UCHL5: variants seen among roughly 807,000 people sequenced by gnomAD.
UCHL5 encodes ubiquitin C-terminal hydrolase L5.
Under a neutral mutation model 53.8 loss-of-function variants are expected in UCHL5, and 34 were observed. The observed-to-expected ratio is 0.63, with a 90% CI of 0.48 to 0.84. The LOEUF (loss-of-function observed/expected upper bound fraction) is 0.84. UCHL5 is among the 40% of genes least tolerant of loss of function. UCHL5 has a pLI of 0.00. For synonymous variants in UCHL5, 111 were observed against 126.3 expected (o/e 0.88, Z 0.81); for missense variants, 290 against 385.6 (o/e 0.75, Z 2.08).
intron 10 of UCHL5, among the ~76,000 whole-genome samples, chr1:193,017,874 A>AT (rs1373041675): frequency 5.3e-5 from 8 of 151,522 alleles, no homozygotes; most frequent in African/African-American, 1.9e-4. Context: ...GAAAGAGGTT[A>AT]TAAGAAAGTA....
chr1:193,045,950 A>G (rs1458726031), intron 3 of UCHL5, among the ~76,000 whole-genome samples: 3 of 152,222 alleles, frequency 2.0e-5, no homozygotes, highest in African/African-American at 7.2e-5. Context: ...TAAAATTTAC[A>G]AACAACTGTG....
chr1:193,056,484 T>C (rs1670664861), intron 1 of UCHL5, among the ~76,000 whole-genome samples: 1 of 152,194 alleles, frequency 6.6e-6, no homozygotes, highest in Admixed American at 6.5e-5. Flanking sequence ...CCCATTACTC[T>C]ATCTTGGCTG....
intron 9 of UCHL5, among the ~76,000 whole-genome samples, chr1:193,021,927 A>G (rs1657176494): frequency 6.6e-6 from 1 of 152,178 alleles, no homozygotes; most frequent in South Asian, 2.1e-4. Context: ...TTCCCAAACA[A>G]TAAAGCAGGA....
Position 193,059,298 on chromosome 1 carries a change from C to T in UCHL5, c.-38G>A. 1 of 1,611,402 alleles carries T rather than the reference C, an allele frequency of 6.2e-7. No homozygotes were observed. Among genetic ancestry groups the T allele is most frequent in the Non-Finnish European group, 8.5e-7 (1 of 1,178,936 alleles). On this transcript the variant is annotated 5_prime_UTR_variant, in exon 1 of 11. Transcript: ENST00000367454. The surrounding 1 kb of genome is among the most constrained non-coding windows in gnomAD (Gnocchi z 4.9). ...ACACCGCCCCGATCCACCTCTCGCT[C>T]TCAGCTGCCCCCCGCACCAGCTGCC...
chr1:193,035,574 G>A (rs922960691), intron 3 of UCHL5, among the ~76,000 whole-genome samples: 2 of 152,048 alleles, frequency 1.3e-5, no homozygotes, highest in Non-Finnish European at 2.9e-5. Flanking sequence ...AACGAGACTT[G>A]TTTTATGAGA....
chr1:193,058,613 G>A (rs1330412664), intron 1 of UCHL5, among the ~76,000 whole-genome samples: 1 of 152,232 alleles, frequency 6.6e-6, no homozygotes, highest in Admixed American at 6.5e-5. Context: ...AGCAGAGAGC[G>A]GAACCAGTGA....
At chr1:193,022,535 G>A (rs1657454687) in intron 9 of UCHL5, among the ~76,000 whole-genome samples, 1 of 151,908 alleles carries the variant, frequency 6.6e-6, no homozygotes, top group East Asian at 1.9e-4. Flanking sequence ...GCATGGTGGT[G>A]CACACCTGTA....
chr1:193,038,014 C>T (rs1370298817), intron 3 of UCHL5, among the ~76,000 whole-genome samples: 1 of 151,428 alleles, frequency 6.6e-6, no homozygotes, highest in Non-Finnish European at 1.5e-5. Context: ...CTAATTATTT[C>T]AACAGATGCT....
At chr1:193,036,912 C>A in intron 3 of UCHL5, among the ~76,000 whole-genome samples, 1 of 150,556 alleles carries the variant, frequency 6.6e-6, no homozygotes, top group African/African-American at 2.4e-5. Flanking sequence ...ATGAATAGGC[C>A]AATAAAGAAA....
intron 3 of UCHL5, among the ~76,000 whole-genome samples, chr1:193,039,249 A>G (rs1356190771): frequency 6.6e-6 from 1 of 151,980 alleles, no homozygotes; most frequent in East Asian, 1.9e-4. Flanking sequence ...ATCTCTACTA[A>G]AAATACAAAA....
intron 1 of UCHL5, chr1:193,057,280 C>T: frequency 6.3e-6 from 1 of 158,042 alleles, no homozygotes. Context: ...TTTTTTTTCT[C>T]TTATGTAGGA....
chr1:193,059,670 T>C (rs1438616152), upstream of UCHL5: 1 of 1,372,138 alleles, frequency 7.3e-7, no homozygotes, highest in Non-Finnish European at 9.7e-7. The surrounding 1 kb of genome is among the most constrained non-coding windows in gnomAD (Gnocchi z 4.9). Context: ...TTGCTGTTGC[T>C]GTGGCTGTCG....
intron 1 of UCHL5, among the ~76,000 whole-genome samples, chr1:193,056,024 T>C (rs1313990071): frequency 6.6e-6 from 1 of 152,192 alleles, no homozygotes; most frequent in Non-Finnish European, 1.5e-5. Flanking sequence ...TAGAATTTCT[T>C]TGTGGGAAAA....
intron 10 of UCHL5, chr1:193,018,712 CTCA>C: frequency 7.2e-7 from 1 of 1,381,618 alleles, no homozygotes; most frequent in East Asian, 2.8e-5. Flanking sequence ...ATTCAAAAAT[CTCA>C]TCCTGTAGAA....
intron 1 of UCHL5, among the ~76,000 whole-genome samples, chr1:193,056,107 T>C (rs1188237947): frequency 6.6e-6 from 1 of 152,218 alleles, no homozygotes; most frequent in Non-Finnish European, 1.5e-5. Context: ...AAGTGAACTT[T>C]GGTAATTTGT....
In UCHL5 at chr1:193,015,132, G is replaced by C. The variant is rs1218754712; in HGVS notation, c.*1219C>G. 2 of 151,756 alleles carry C rather than the reference G, an allele frequency of 1.3e-5. No homozygotes were observed. The highest frequency in any genetic ancestry group is 6.6e-5 in the Admixed American group (1 of 15,202). 9.4% of individuals were successfully genotyped at this position (151,756 alleles called of 1,614,324 possible). On this transcript the variant is annotated 3_prime_UTR_variant, in exon 11 of 11. Coordinates refer to ENST00000367454, the MANE Select transcript of UCHL5 (RefSeq NM_001199261.3). ...TCGTTTTTCTATCAATTTCCTATCAGGTTTTTCTCCATTAGTTCTAAGTCA... is the reference window on the plus strand; with the variant it reads ...TCGTTTTTCTATCAATTTCCTATCACGTTTTTCTCCATTAGTTCTAAGTCA...
At chr1:193,042,263 A>G (rs1180467141) in intron 3 of UCHL5, among the ~76,000 whole-genome samples, 1 of 152,226 alleles carries the variant, frequency 6.6e-6, no homozygotes, top group Non-Finnish European at 1.5e-5. Flanking sequence ...CACTGGATGG[A>G]GAGAGGGAAG....
intron 3 of UCHL5, among the ~76,000 whole-genome samples, chr1:193,038,362 A>T (rs1466693377): frequency 6.6e-6 from 1 of 150,994 alleles, no homozygotes; most frequent in East Asian, 2.0e-4. Flanking sequence ...AGGCTGAGGC[A>T]GGAGAATGGC....
At position 193,015,726 on chromosome 1, in the gene UCHL5, CA is replaced by C. The variant is rs887647432; in HGVS notation, c.*624del. The stretch of plus-strand genomic sequence containing the variant: ...ACCTTCCTGAAACAATTCTCTAATA[CA>C]TAAACAAATAACCCCAAACACTTGA... On this transcript the variant is annotated 3_prime_UTR_variant, in exon 11 of 11. Transcript: ENST00000367454. 6.6e-6 allele frequency: 1 copy of C among 151,462 alleles called. No homozygotes were observed. The highest frequency in any genetic ancestry group is 2.4e-5 in the African/African-American group (1 of 40,888). The allele number at this position is 151,462 out of a possible 1,614,324, so 9.4% of individuals were successfully genotyped here.
Sources: gnomAD v4.1 joint callset for allele counts (sites outside exome capture counted in the v4.1 genomes callset) on GRCh38, gnomAD v4.1.1 for gene constraint, Gnocchi (gnomAD v3.1) non-coding constraint, MANE v1.5 for transcripts, NCBI Gene and HGNC (gene_info 2026-07-23, HGNC 2026-07-21) for gene names.